Variants in ARHGAP29 observed in about 807,000 individuals in gnomAD.
ARHGAP29 encodes the protein Rho GTPase activating protein 29.
Under a neutral mutation model 122.6 loss-of-function variants are expected in ARHGAP29, and 43 were observed. That is an observed-to-expected ratio of 0.35 (90% CI 0.27 to 0.45). The LOEUF (loss-of-function observed/expected upper bound fraction) is 0.45, where lower values mean the gene tolerates loss of function less well. Ranked by LOEUF, ARHGAP29 falls within the 20% of genes least tolerant of loss-of-function variation. The pLI, the probability that ARHGAP29 is intolerant of heterozygous loss-of-function variation, is 1.00. For missense variants in ARHGAP29, 1,303 were observed against 1,477.2 expected (o/e 0.88, Z 1.93); for synonymous variants, 506 against 497.1 (o/e 1.02, Z -0.24).
chr1:94,282,678 G>A, the ARHGAP29 span, among the ~76,000 whole-genome samples: 2 of 152,070 alleles, frequency 1.3e-5, no homozygotes, highest in African/African-American at 4.8e-5. Context: ...TATCTGTCAG[G>A]GCCTCTAACC....
chr1:94,228,910 A>G (rs1430662085), intron 2 of ARHGAP29, among the ~76,000 whole-genome samples: 1 of 151,862 alleles, frequency 6.6e-6, no homozygotes, highest in African/African-American at 2.4e-5. Context: ...ATGTATTCTG[A>G]CTAAACCAAA....
At chr1:94,263,026 A>C (rs1654622559) in intron 1 of ARHGAP29, among the ~76,000 whole-genome samples, 1 of 152,252 alleles carries the variant, frequency 6.6e-6, no homozygotes, top group African/African-American at 2.4e-5. Flanking sequence ...TGGATAAAGA[A>C]AATGTGGTAC....
At chr1:94,278,397 C>T (rs1310775323), upstream of ARHGAP29, among the ~76,000 whole-genome samples, 1 of 152,094 alleles carries the variant, frequency 6.6e-6, no homozygotes, top group African/African-American at 2.4e-5. Flanking sequence ...ATACTGATAA[C>T]ATACCCAATT....
At position 94,192,166 on chromosome 1, in the gene ARHGAP29, A is replaced by C. The variant is rs181490275; in HGVS notation, c.1282-2083T>G. 2.0e-5 allele frequency: 3 copies of C among 152,300 alleles called. No individual in the cohort carries two copies. In the East Asian group the frequency reaches 5.8e-4, roughly 29 times the overall value. 9.4% of individuals were successfully genotyped at this position (152,300 alleles called of 1,614,324 possible). On this transcript the variant is annotated intron_variant, in intron 12 of 22. Coordinates refer to ENST00000260526, the MANE Select transcript of ARHGAP29 (RefSeq NM_004815.4). ...TAAACACTCAAAAATATTTTAAGGA[A>C]GTTTTCTGGTTCAGATGCAGTAAGC...
At chr1:94,237,367 G>C (rs1230828055) in intron 1 of ARHGAP29, 48 bp downstream of exon 1, 1 of 981,656 alleles carries the variant, frequency 1.0e-6, no homozygotes, top group Admixed American at 6.1e-5. Flanking sequence ...CCCCAGCCCG[G>C]AGCCACGACC....
chr1:94,188,130 T>G (rs1249990545), intron 15 of ARHGAP29, among the ~76,000 whole-genome samples: 1 of 152,144 alleles, frequency 6.6e-6, no homozygotes. Flanking sequence ...AAGAATCTCA[T>G]GGGTTCAACT....
In ARHGAP29 at chr1:94,188,926, C is replaced by A; in HGVS notation, c.1592G>T (p.Arg531Ile). ...SADITGPSFIRSWTFGMFSDS... is the reference protein window; with the variant it reads ...SADITGPSFIISWTFGMFSDS... ...ACTAAACATCCCAAATGTCCATGAT[C>A]TTATAAAGGAAGGACCTTTAATAAA... Residue 531 changes from arginine (R) to isoleucine (I), a missense_variant, in exon 15 of 23, where the codon AGA (arginine) becomes ATA (isoleucine). Transcript: ENST00000260526. 1 of 1,612,868 alleles carries A rather than the reference C, an allele frequency of 6.2e-7. No individual in the cohort carries two copies. The highest frequency in any genetic ancestry group is 1.1e-5 in the South Asian group (1 of 90,978).
chr1:94,233,084 C>G (rs1653023403), intron 1 of ARHGAP29, among the ~76,000 whole-genome samples: 1 of 151,320 alleles, frequency 6.6e-6, no homozygotes, highest in Admixed American at 6.6e-5. Flanking sequence ...AGCTGGGACT[C>G]CAGGGGCACA....
chr1:94,243,003 A>G (rs1653659125), intron 1 of ARHGAP29, among the ~76,000 whole-genome samples: 1 of 152,138 alleles, frequency 6.6e-6, no homozygotes, highest in South Asian at 2.1e-4. Flanking sequence ...AATGACAACA[A>G]TCCTGAAGGT....
At chr1:94,208,973 A>G (rs139532315) in intron 4 of ARHGAP29, 69 bp from the exon 5 acceptor site, 13 of 1,373,342 alleles carry the variant, frequency 9.5e-6, no homozygotes, top group Non-Finnish European at 1.2e-5. Flanking sequence ...TACATTCAAC[A>G]TGTTATCTAA....
At chr1:94,219,591 T>A (rs548835832) in intron 3 of ARHGAP29, among the ~76,000 whole-genome samples, 238 of 152,282 alleles carry the variant, frequency 1.6e-3, no homozygotes, top group Non-Finnish European at 2.8e-3. Context: ...TAGCCCATTA[T>A]TCCTAACAAT....
intron 2 of ARHGAP29, among the ~76,000 whole-genome samples, chr1:94,225,998 T>A (rs1156485151): frequency 6.6e-6 from 1 of 151,980 alleles, no homozygotes; most frequent in Non-Finnish European, 1.5e-5. Flanking sequence ...CCACTTTTTG[T>A]TCTCATGCAT....
intron 1 of ARHGAP29, among the ~76,000 whole-genome samples, chr1:94,269,032 C>T (rs1458456147): frequency 1.3e-5 from 2 of 152,102 alleles, no homozygotes; most frequent in Non-Finnish European, 2.9e-5. Flanking sequence ...ATCTCTCAAA[C>T]AGCATAGTAT....
At position 94,174,086 on chromosome 1, in the gene ARHGAP29, A is replaced by G. The variant is rs2101312280; in HGVS notation, c.3569T>C (p.Val1190Ala). The G allele has an allele frequency of 6.2e-7, 1 of 1,614,210 alleles. No individual in the cohort carries two copies. The highest frequency in any genetic ancestry group is 2.2e-5 in the East Asian group (1 of 44,884). ...GGGATCGTGATCTGTGCCAGGAGGC[A>G]CTGCTGCTGAGGGTGAAGCTGGCTT... ...EEKPASPSAA[V>A]PPGTDHDPHG... The change falls in exon 23 of 23, where the codon GTG becomes GCG. Residue 1190 changes from valine (V) to alanine (A), a missense_variant. Transcript: ENST00000260526.
At chr1:94,201,285 A>G (rs1221039669) in intron 12 of ARHGAP29, among the ~76,000 whole-genome samples, 2 of 152,192 alleles carry the variant, frequency 1.3e-5, no homozygotes, top group Non-Finnish European at 2.9e-5. Flanking sequence ...AACATGGGGA[A>G]AGGCAGATCA....
Position 94,219,505 on chromosome 1 carries a change from T to C in ARHGAP29, c.340+753A>G, listed in dbSNP as rs115460108. ...CTGTCAAACTGACATCCATTCCTTC[T>C]TATTTAACAAATCACATTCTACCAC... On this transcript the variant is annotated intron_variant, in intron 3 of 22. Coordinates refer to ENST00000260526, the MANE Select transcript of ARHGAP29 (RefSeq NM_004815.4). Among the ~76,000 whole-genome samples the C allele has an allele frequency of 1.6e-3, 238 of 152,310 alleles. 1 individual carries two copies. The highest frequency in any genetic ancestry group is 5.3e-3 in the African/African-American group (222 of 41,578).
intron 2 of ARHGAP29, among the ~76,000 whole-genome samples, chr1:94,220,910 A>C (rs766215982): frequency 2.6e-5 from 4 of 152,190 alleles, no homozygotes; most frequent in Non-Finnish European, 5.9e-5. Flanking sequence ...GGATCATTAC[A>C]CATATTCTAG....
At chr1:94,247,732 G>T (rs889022230) in intron 1 of ARHGAP29, 3 of 735,168 alleles carry the variant, frequency 4.1e-6, no homozygotes, top group African/African-American at 4.1e-5. Context: ...CACAGCGGCC[G>T]CCGCCTTTGC....
At chr1:94,309,933 T>C in the ARHGAP29 span, among the ~76,000 whole-genome samples, 2 of 152,170 alleles carry the variant, frequency 1.3e-5, no homozygotes, top group Non-Finnish European at 2.9e-5. Context: ...AGTACTGATA[T>C]TTTAGAAGGC....
Sources: gnomAD v4.1 joint callset for allele counts (sites outside exome capture counted in the v4.1 genomes callset) on GRCh38, gnomAD v4.1.1 for gene constraint, MANE v1.5 for transcripts, NCBI Gene and HGNC (gene_info 2026-07-23, HGNC 2026-07-21) for gene names.